Variants in LMBR1 observed in about 807,000 individuals in gnomAD.
The protein encoded by LMBR1 is limb development membrane protein 1.
A neutral mutation model predicts 73.9 loss-of-function variants in LMBR1; 52 were observed. The ratio of observed to expected loss-of-function variants is 0.70; its 90% confidence interval spans 0.56 to 0.89. The LOEUF (loss-of-function observed/expected upper bound fraction) is 0.89. Among genes scored for constraint, LMBR1 ranks in the 40% least tolerant of loss-of-function variants. The pLI is 0.00. For synonymous variants in LMBR1, 215 were observed against 209.4 expected (o/e 1.03, Z -0.23); for missense variants, 539 against 579.8 (o/e 0.93, Z 0.72).
intron 15 of LMBR1, among the ~76,000 whole-genome samples, chr7:156,716,436 G>T (rs1813226002): frequency 6.6e-6 from 1 of 152,230 alleles, no homozygotes; most frequent in South Asian, 2.1e-4. Flanking sequence ...TGAACTTGAA[G>T]ACAGACTAAA....
intron 5 of LMBR1, among the ~76,000 whole-genome samples, chr7:156,777,497 T>C (rs1826361322): frequency 6.6e-6 from 1 of 152,204 alleles, no homozygotes; most frequent in African/African-American, 2.4e-5. Flanking sequence ...ATATCAGTGC[T>C]TCTCAAATGT....
intron 8 of LMBR1, among the ~76,000 whole-genome samples, chr7:156,756,951 G>A (rs1488961585): frequency 1.3e-5 from 2 of 152,070 alleles, no homozygotes; most frequent in African/African-American, 4.8e-5. Context: ...CTAGTAGCTG[G>A]AACTACAGGC....
intron 1 of LMBR1, among the ~76,000 whole-genome samples, chr7:156,854,947 T>A (rs1486909742): frequency 6.6e-6 from 1 of 152,200 alleles, no homozygotes; most frequent in Non-Finnish European, 1.5e-5. Flanking sequence ...GCAGCCTAAC[T>A]CACACATACA....
intron 10 of LMBR1, 37 bp downstream of exon 10, chr7:156,734,140 G>A (rs768604885): frequency 1.5e-6 from 2 of 1,293,376 alleles, no homozygotes; most frequent in Non-Finnish European, 2.2e-6. Flanking sequence ...AAGAAACCAA[G>A]GCCAATACAC....
At chr7:156,864,741 A>C (rs1346194691) in intron 1 of LMBR1, among the ~76,000 whole-genome samples, 3 of 152,174 alleles carry the variant, frequency 2.0e-5, no homozygotes, top group Non-Finnish European at 4.4e-5. Flanking sequence ...TCACGCCTGT[A>C]ATCTCAGCAC....
chr7:156,752,919 A>G (rs996569686), intron 9 of LMBR1, among the ~76,000 whole-genome samples: 5 of 150,352 alleles, frequency 3.3e-5, no homozygotes, highest in African/African-American at 4.9e-5. Flanking sequence ...GATTCTAACA[A>G]CAGTCCAGGA....
chr7:156,731,615 T>C (rs1038652312), intron 10 of LMBR1, among the ~76,000 whole-genome samples: 1 of 152,158 alleles, frequency 6.6e-6, no homozygotes, highest in African/African-American at 2.4e-5. Flanking sequence ...TTTTAGTATG[T>C]TTTCCAATAA....
rs113077840 is a variant in LMBR1 at position 156,883,611 on chromosome 7, C to CA, written c.66+9316dup. On this transcript the variant is annotated intron_variant, in intron 1 of 16. Transcript: ENST00000353442. ...ACAAACTTTGTGACTTAAAACAACA[C>CA]AAATTTATTGAGTTTCACTGGGCTA... Among the ~76,000 whole-genome samples, 144 of 152,252 alleles carry CA rather than the reference C, an allele frequency of 9.5e-4. 2 individuals are homozygous for CA. The highest frequency in any genetic ancestry group is 3.4e-3 in the Middle Eastern group (1 of 294).
At chr7:156,744,791 T>C (rs1819551861) in intron 9 of LMBR1, among the ~76,000 whole-genome samples, 1 of 152,160 alleles carries the variant, frequency 6.6e-6, no homozygotes, top group African/African-American at 2.4e-5. Flanking sequence ...AAGTGAGAAG[T>C]CCTAAAATCA....
chr7:156,893,143 C>G lies in LMBR1; in HGVS notation c.-150G>C. On this transcript the variant is annotated 5_prime_UTR_variant, in exon 1 of 17. Coordinates refer to ENST00000353442, the MANE Select transcript of LMBR1 (RefSeq NM_022458.4). ...TGGAACAGGTACCGCGACCACGACACCGGCCGTCGCCTCAGCAGCCTCAGA... is the reference window on the plus strand; with the variant it reads ...TGGAACAGGTACCGCGACCACGACAGCGGCCGTCGCCTCAGCAGCCTCAGA... 1 of 667,680 alleles carries G rather than the reference C, an allele frequency of 1.5e-6. No individual in the cohort carries two copies. Among genetic ancestry groups the G allele is most frequent in the Non-Finnish European group, 2.2e-6 (1 of 462,648 alleles). The allele number at this position is 667,680 out of a possible 1,614,324, so 41.4% of individuals were successfully genotyped here.
rs137873092 is a variant in LMBR1, at chr7:156,786,842, C to T, written c.423+9547G>A. Among the ~76,000 whole-genome samples, 411 of 152,208 alleles carry T rather than the reference C, an allele frequency of 2.7e-3. 4 individuals carry two copies. The highest frequency in any genetic ancestry group is 9.3e-3 in the African/African-American group (385 of 41,532). On this transcript the variant is annotated intron_variant, in intron 5 of 16. Transcript: ENST00000353442. The stretch of plus-strand genomic sequence containing the variant: ...TGAATCTTAAATTATAATAAATCAA[C>T]TTTCTAAAACCAGCCTTAATTATAT...
Position 156,685,588 on chromosome 7 carries a change from AG to A in LMBR1, c.1388-1426del, listed in dbSNP as rs1259510982. On this transcript the variant is annotated intron_variant, in intron 16 of 16. Coordinates refer to ENST00000353442, the MANE Select transcript of LMBR1 (RefSeq NM_022458.4). This position sits in a 1 kb window ranked among gnomAD's most constrained non-coding sequence, Gnocchi z 4.1. ...TGTGCATCTAGAAACATATGAACCTAGAAAAGCTGATGCGTGGCGCCAGGAC... is the reference window on the plus strand; with the variant it reads ...TGTGCATCTAGAAACATATGAACCTAAAAAGCTGATGCGTGGCGCCAGGAC... 3.9e-5 allele frequency among the ~76,000 whole-genome samples: 6 copies of A among 152,234 alleles called. No homozygotes were observed.
intron 15 of LMBR1, among the ~76,000 whole-genome samples, chr7:156,698,361 G>A (rs1364267487): frequency 6.6e-6 from 1 of 152,196 alleles, no homozygotes; most frequent in African/African-American, 2.4e-5. Flanking sequence ...GCTCCACTAG[G>A]CAGTGCCCCA....
At chr7:156,840,662 C>T (rs964374261) in intron 1 of LMBR1, among the ~76,000 whole-genome samples, 2 of 151,770 alleles carry the variant, frequency 1.3e-5, no homozygotes, top group African/African-American at 2.4e-5. Flanking sequence ...AAGTGCTATG[C>T]AGAAAATAAA....
chr7:156,680,964 G>C lies in LMBR1; in HGVS notation c.*3114C>G, dbSNP rs1330473905. 3.5e-6 allele frequency: 1 copy of C among 288,636 alleles called. No individual in the cohort carries two copies. The highest frequency in any genetic ancestry group is 6.6e-6 in the Non-Finnish European group (1 of 151,564). 17.9% of individuals were successfully genotyped at this position (288,636 alleles called of 1,614,324 possible). On this transcript the variant is annotated 3_prime_UTR_variant, in exon 17 of 17. Coordinates refer to ENST00000353442, the MANE Select transcript of LMBR1 (RefSeq NM_022458.4). ...TCATAGAAACAAAGACTAACAATTT[G>C]TAAACAAAACAATCTGTAAACAAAA... is the stretch of plus-strand genomic sequence containing the variant.
At chr7:156,833,866 AAC>A (rs1209702400) in intron 2 of LMBR1, 74 bp from the exon 3 acceptor site, 2 of 966,838 alleles carry the variant, frequency 2.1e-6, no homozygotes, top group East Asian at 2.6e-5. Flanking sequence ...TAAAACTATA[AAC>A]ACAATATAAA....
intron 3 of LMBR1, among the ~76,000 whole-genome samples, chr7:156,827,489 C>T (rs540348563): frequency 6.6e-6 from 1 of 152,188 alleles, no homozygotes; most frequent in South Asian, 2.1e-4. Flanking sequence ...ATGTAACAAT[C>T]CCATAGGAAA....
Position 156,893,033 on chromosome 7 carries a change from G to A in LMBR1, c.-40C>T, listed in dbSNP as rs754355750. The A allele has an allele frequency of 4.8e-6, 7 of 1,449,238 alleles. No individual in the cohort carries two copies. In the Admixed American group the frequency reaches 1.7e-4, roughly 35 times the overall value. The allele number at this position is 1,449,238 out of a possible 1,614,324, so 89.8% of individuals were successfully genotyped here. A position where few individuals can be genotyped will look rare whatever the true frequency, so the allele number is the denominator to read the frequency against. ...GCCGCCGCGCCGCCCGCGTCCGCGTGCTCCGCCACACCATCGTCCGCCCGC... is the reference window on the plus strand; with the variant it reads ...GCCGCCGCGCCGCCCGCGTCCGCGTACTCCGCCACACCATCGTCCGCCCGC... On this transcript the variant is annotated 5_prime_UTR_variant, in exon 1 of 17. Transcript: ENST00000353442.
intron 4 of LMBR1, among the ~76,000 whole-genome samples, chr7:156,821,899 G>C (rs1834857291): frequency 6.6e-6 from 1 of 152,200 alleles, no homozygotes; most frequent in African/African-American, 2.4e-5. Context: ...TACAGCCACT[G>C]CTAAGGACCC....
Sources: allele counts gnomAD v4.1 joint callset (sites outside exome capture counted in the v4.1 genomes callset), GRCh38; gene constraint gnomAD v4.1.1; non-coding constraint Gnocchi (gnomAD v3.1); transcripts MANE v1.5; gene names NCBI Gene and HGNC (gene_info 2026-07-23, HGNC 2026-07-21).